The following PTGES2 variants were observed in gnomAD, a reference collection of about 807,000 sequenced individuals.
PTGES2 encodes the protein GATE-binding factor 1.
In PTGES2, 35 loss-of-function variants were observed where a neutral mutation model predicts 44.5. The ratio of observed to expected loss-of-function variants is 0.79; its 90% CI spans 0.60 to 1.04. The LOEUF (loss-of-function observed/expected upper bound fraction) is 1.04, where lower values mean the gene tolerates loss of function less well. PTGES2 is among the 50% of genes least tolerant of loss of function. The probability of loss-of-function intolerance (pLI) is 0.00; values close to 1 mark genes in which losing one functional copy is unlikely to be tolerated. For synonymous variants in PTGES2, 221 were observed against 227.5 expected (o/e 0.97, Z 0.26); for missense variants, 517 against 521.4 (o/e 0.99, Z 0.08).
Position 128,127,471 on chromosome 9 carries a change from G to T in PTGES2, c.247C>A (p.Gln83Lys). The change falls in exon 1 of 7, where the codon CAG becomes AAG. Residue 83 changes from glutamine (Q) to lysine (K), a missense_variant. By Grantham distance (53) the Gln-to-Lys change is moderately conservative. Coordinates refer to ENST00000338961, the MANE Select transcript of PTGES2 (RefSeq NM_025072.7). ...GCTGAGCGCTCTGCGTGGAGGTCCT[G>T]GGCGCGCAGGTGCCACCGCGCCGTG... ...YHTARWHLRA[Q>K]DLHAERSAAQ... 1.4e-6 allele frequency: 2 copies of T among 1,402,180 alleles called. No individual in the cohort carries two copies. The highest frequency in any genetic ancestry group is 1.6e-5 in the South Asian group (1 of 61,974). The allele number at this position is 1,402,180 out of a possible 1,614,324, so 86.9% of individuals were successfully genotyped here. A position where few individuals can be genotyped will look rare whatever the true frequency, so the allele number is the denominator to read the frequency against.
In PTGES2 at chr9:128,121,250, C is replaced by A; in HGVS notation, c.1029G>T (p.Val343=). 1 of 1,609,096 alleles carries A rather than the reference C, an allele frequency of 6.2e-7. No homozygotes were observed. The change falls in exon 7 of 7, where the codon GTG becomes GTT. Residue 343 remains valine (V), a synonymous_variant. Transcript: ENST00000338961. ...CATCGAACGCATCCAGCCCCTCCAT[C>A]ACACGCAGCACGCCATACACCGCCT... is the stretch of plus-strand genomic sequence containing the variant. ...ADLAVYGVLR[V]MEGLDAFDDL...
chr9:128,124,942 C>T (rs1834562036), intron 2 of PTGES2: 2 of 1,050,920 alleles, frequency 1.9e-6, no homozygotes, highest in Admixed American at 3.5e-5. Flanking sequence ...GTGACTTGCC[C>T]CAAGTCACAC....
intron 6 of PTGES2, among the ~76,000 whole-genome samples, 200 bp from the exon 7 acceptor site, chr9:128,121,473 C>A (rs1221064003): frequency 6.6e-6 from 1 of 152,016 alleles, no homozygotes; most frequent in Non-Finnish European, 1.5e-5. Flanking sequence ...ACATCTGTAC[C>A]CCCTTTTCTG....
intron 6 of PTGES2, 126 bp from the exon 7 acceptor site, chr9:128,121,399 G>T: frequency 8.4e-7 from 1 of 1,196,786 alleles, no homozygotes; most frequent in Non-Finnish European, 1.2e-6. Flanking sequence ...CCCACTCAAG[G>T]GCCAACAGCA....
chr9:128,127,970 TG>T (rs1304967495), upstream of PTGES2: 6 of 446,586 alleles, frequency 1.3e-5, no homozygotes, highest in Non-Finnish European at 2.0e-5. Context: ...TCTTGGGTAG[TG>T]ACCCGGCCGA....
Position 128,123,834 on chromosome 9 carries a change from A to T in PTGES2, c.554T>A (p.Ile185Asn). 1 of 1,613,670 alleles carries T rather than the reference A, an allele frequency of 6.2e-7. No homozygotes were observed. Among genetic ancestry groups the T allele is most frequent in the South Asian group, 1.1e-5 (1 of 91,070 alleles). ...YLVSGQPLEE[I>N]ITYYPAMKAV... Reference sequence around the variant, plus strand: ...CTTCATGGCTGGGTAGTAGGTGATGATCTCTTCCAGGGGCTGCCTTCGGAG... The same window carrying T: ...CTTCATGGCTGGGTAGTAGGTGATGTTCTCTTCCAGGGGCTGCCTTCGGAG... Residue 185 changes from isoleucine (I) to asparagine (N), a missense_variant, in exon 4 of 7, where the codon ATC becomes AAC. Transcript: ENST00000338961. The surrounding 1 kb of genome is among the most constrained non-coding windows in gnomAD (Gnocchi z 4.4).
At chr9:128,122,580 A>T in intron 5 of PTGES2, 101 bp from the exon 6 acceptor site, 1 of 968,908 alleles carries the variant, frequency 1.0e-6, no homozygotes, top group Admixed American at 1.9e-5. Flanking sequence ...GGAAGCCAGG[A>T]CGGCACCCCA....
chr9:128,125,786 T>TG, intron 1 of PTGES2, among the ~76,000 whole-genome samples: 1 of 152,296 alleles, frequency 6.6e-6, no homozygotes, highest in Middle Eastern at 3.4e-3. Context: ...CCCACAGACA[T>TG]GGAACAACTG....
At chr9:128,125,551 G>T in intron 1 of PTGES2, 110 bp from the exon 2 acceptor site, 1 of 997,736 alleles carries the variant, frequency 1.0e-6, no homozygotes, top group South Asian at 1.5e-5. Flanking sequence ...AGAACATCGG[G>T]AAGAGGAACT....
In PTGES2 at chr9:128,123,150, G is replaced by A. The variant is rs757883237; in HGVS notation, c.687-16C>T. 3 of 1,605,252 alleles carry A rather than the reference G, an allele frequency of 1.9e-6. No individual in the cohort carries two copies. The highest frequency in any genetic ancestry group is 2.2e-5 in the East Asian group (1 of 44,826). ...CATCTCCTCCCTGCGGGCACGGGAG[G>A]GACTTCCTAAGCCAGGACCCGGGCT... On this transcript the variant is annotated splice_polypyrimidine_tract_variant and intron_variant, in intron 4 of 6. Transcript: ENST00000338961. This position sits in a 1 kb window ranked among gnomAD's most constrained non-coding sequence, Gnocchi z 4.4.
intron 6 of PTGES2, among the ~76,000 whole-genome samples, chr9:128,121,912 C>CA (rs35917162): frequency 7.7e-4 from 101 of 131,474 alleles, no homozygotes; most frequent in African/African-American, 1.2e-3. Context: ...GACTTGGTCT[C>CA]AAAAAAAAAA....
rs1390690167 is a variant in PTGES2 at position 128,120,766 on chromosome 9, T to G, written c.*379A>C. The G allele has an allele frequency of 4.5e-6, 1 of 220,610 alleles. No homozygotes were observed. The highest frequency in any genetic ancestry group is 2.3e-5 in the African/African-American group (1 of 43,020). 13.7% of individuals were successfully genotyped at this position (220,610 alleles called of 1,614,324 possible). On this transcript the variant is annotated 3_prime_UTR_variant, in exon 7 of 7. Coordinates refer to ENST00000338961, the MANE Select transcript of PTGES2 (RefSeq NM_025072.7). ...CAAACATGTCCCAGTCCCGGGAGGC[T>G]TGGGAAGAGTGGGAACCAGGGGAAC...
intron 1 of PTGES2, among the ~76,000 whole-genome samples, 181 bp from the exon 2 acceptor site, chr9:128,125,622 C>T (rs944937807): frequency 1.3e-5 from 2 of 152,052 alleles, no homozygotes; most frequent in African/African-American, 4.8e-5. Context: ...GGTTTAAGCC[C>T]CTGGCCAGCA....
Position 128,123,248 on chromosome 9 carries a change from GTC to G in PTGES2, c.687-116_687-115del. On this transcript the variant is annotated intron_variant, in intron 4 of 6. Coordinates refer to ENST00000338961, the MANE Select transcript of PTGES2 (RefSeq NM_025072.7). The surrounding 1 kb of genome is among the most constrained non-coding windows in gnomAD (Gnocchi z 4.4). ...GGGAAGCTGAAGCCTGAGCAGGAAG[GTC>G]TTTTTTTTTTTTTTGAGACAAAGTC... is the stretch of plus-strand genomic sequence containing the variant. 2.2e-6 allele frequency: 2 copies of G among 924,702 alleles called. No individual in the cohort carries two copies. Among genetic ancestry groups the G allele is most frequent in the Non-Finnish European group, 3.1e-6 (2 of 654,866 alleles). The allele number at this position is 924,702 out of a possible 1,614,324, so 57.3% of individuals were successfully genotyped here. A position where few individuals can be genotyped will look rare whatever the true frequency, so the allele number is the denominator to read the frequency against.
Position 128,123,635 on chromosome 9 carries a change from C to T in PTGES2, c.686+67G>A. 1 of 1,523,286 alleles carries T rather than the reference C, an allele frequency of 6.6e-7. No homozygotes were observed. Among genetic ancestry groups the T allele is most frequent in the Non-Finnish European group, 9.0e-7 (1 of 1,114,716 alleles). 94.4% of individuals were successfully genotyped at this position (1,523,286 alleles called of 1,614,324 possible). A position where few individuals can be genotyped will look rare whatever the true frequency, so the allele number is the denominator to read the frequency against. ...TCCCTGCTCACGCCATCTTGCTCAG[C>T]TTGGTCCTACTCTACAGAAGACCCC... On this transcript the variant is annotated intron_variant, in intron 4 of 6. Coordinates refer to ENST00000338961, the MANE Select transcript of PTGES2 (RefSeq NM_025072.7). This position sits in a 1 kb window ranked among gnomAD's most constrained non-coding sequence, Gnocchi z 4.4.
chr9:128,122,900 G>A, intron 5 of PTGES2, 34 bp downstream of exon 5: 1 of 1,608,480 alleles, frequency 6.2e-7, no homozygotes, highest in Admixed American at 1.7e-5. Context: ...GGAGGCTCGG[G>A]GACAGCAGGC....
At chr9:128,127,856 G>A, upstream of PTGES2, 1 of 888,204 alleles carries the variant, frequency 1.1e-6, no homozygotes, top group African/African-American at 1.7e-5. Context: ...AGCGCTCTCG[G>A]GACTGGGCGT....
chr9:128,127,104 G>C (rs956598319), intron 1 of PTGES2, among the ~76,000 whole-genome samples: 1 of 150,460 alleles, frequency 6.6e-6, no homozygotes, highest in Admixed American at 6.7e-5. Context: ...CCTTCAACCT[G>C]GGAGGCAGAG....
chr9:128,122,679 A>G, intron 5 of PTGES2, 200 bp from the exon 6 acceptor site: 1 of 631,482 alleles, frequency 1.6e-6, no homozygotes, highest in South Asian at 2.0e-5. Context: ...GGCCAGGGAG[A>G]AAGCCACAGA....
Sources: gnomAD v4.1 joint callset for allele counts (sites outside exome capture counted in the v4.1 genomes callset) on GRCh38, gnomAD v4.1.1 for gene constraint, Gnocchi (gnomAD v3.1) non-coding constraint, MANE v1.5 for transcripts, NCBI Gene and HGNC (gene_info 2026-07-23, HGNC 2026-07-21) for gene names.